The following ANKFN1 variants were observed in gnomAD, a reference collection of about 807,000 sequenced individuals.
ANKFN1 encodes the protein ankyrin repeat and fibronectin type-III domain-containing protein 1.
Under a neutral mutation model 108.7 loss-of-function variants are expected in ANKFN1, and 74 were observed. That is an observed-to-expected ratio of 0.68 (90% CI 0.56 to 0.83). The LOEUF (loss-of-function observed/expected upper bound fraction) is 0.83. Ranked by LOEUF, ANKFN1 falls within the 40% of genes least tolerant of loss-of-function variation. The probability of loss-of-function intolerance (pLI) is 0.00; values close to 1 mark genes in which losing one functional copy is unlikely to be tolerated. For synonymous variants in ANKFN1, 547 were observed against 516.2 expected, an observed-to-expected ratio of 1.06 and a Z score of -0.81; for missense variants, 1,505 against 1,382.3, an observed-to-expected ratio of 1.09 and a Z score of -1.41.
intron 4 of ANKFN1, among the ~76,000 whole-genome samples, chr17:56,085,170 C>A (rs1905293055): frequency 9.2e-6 from 1 of 108,628 alleles, no homozygotes; most frequent in Admixed American, 9.5e-5. Flanking sequence ...TTAAATGTTG[C>A]CCTCCAAAGC....
intron 20 of ANKFN1, among the ~76,000 whole-genome samples, chr17:56,505,136 A>G (rs1169209865): frequency 2.0e-5 from 3 of 152,190 alleles, no homozygotes; most frequent in Non-Finnish European, 4.4e-5. Context: ...TCTTTCTGCT[A>G]TATTTGGGCT....
At position 56,482,137 on chromosome 17, in the gene ANKFN1, A is replaced by G. The variant is rs553756204; in HGVS notation, c.2092-219A>G. ...ATCATTTTCTGCTTTTATAAGAAGCATAAATGTTGTTTTCAGAGTTTATGT... is the reference window on the plus strand; with the variant it reads ...ATCATTTTCTGCTTTTATAAGAAGCGTAAATGTTGTTTTCAGAGTTTATGT... On this transcript the variant is annotated intron_variant, in intron 17 of 20. Coordinates refer to ENST00000682825, the MANE Select transcript of ANKFN1 (RefSeq NM_001370326.1). Among the ~76,000 whole-genome samples, 27 of 152,344 alleles carry G rather than the reference A, an allele frequency of 1.8e-4. No homozygotes were observed. The South Asian group carries it at 5.6e-3, about 32-fold the overall frequency.
intron 18 of ANKFN1, among the ~76,000 whole-genome samples, chr17:56,486,375 C>T (rs1184768912): frequency 6.6e-6 from 1 of 152,188 alleles, no homozygotes; most frequent in African/African-American, 2.4e-5. Flanking sequence ...AATTAATACA[C>T]TCTCTAATAC....
At chr17:56,188,858 G>T (rs1912563585) in intron 1 of ANKFN1, among the ~76,000 whole-genome samples, 1 of 151,774 alleles carries the variant, frequency 6.6e-6, no homozygotes, top group African/African-American at 2.4e-5. Flanking sequence ...CTAGTCACCA[G>T]AAAGACCAAA....
chr17:56,234,880 G>C (rs1198691875), intron 3 of ANKFN1, among the ~76,000 whole-genome samples: 1 of 152,104 alleles, frequency 6.6e-6, no homozygotes, highest in Admixed American at 6.5e-5. Flanking sequence ...TATTGGGATT[G>C]CTGCGTTGAA....
At chr17:56,146,136 C>T (rs960021476) in intron 4 of ANKFN1, among the ~76,000 whole-genome samples, 2 of 152,198 alleles carry the variant, frequency 1.3e-5, no homozygotes, top group Admixed American at 6.5e-5. Context: ...AGAATGATCC[C>T]CTTTGACTCC....
rs1916291796 is a variant in ANKFN1, at chr17:56,226,598, C to A, written c.13-1319C>A. ...CTTTGACTGTCACAAATGGAGACAT[C>A]TTACCCAAGCAAAACCTCCATAGCT... On this transcript the variant is annotated intron_variant, in intron 2 of 20. Coordinates refer to ENST00000682825, the MANE Select transcript of ANKFN1 (RefSeq NM_001370326.1). Among the ~76,000 whole-genome samples the A allele has an allele frequency of 2.0e-5, 3 of 152,234 alleles. No homozygotes were observed. The South Asian group carries it at 6.2e-4, about 32-fold the overall frequency.
intron 8 of ANKFN1, among the ~76,000 whole-genome samples, chr17:56,388,248 G>A (rs1000251814): frequency 6.6e-6 from 1 of 151,852 alleles, no homozygotes; most frequent in Non-Finnish European, 1.5e-5. Flanking sequence ...CTGGGTTCAA[G>A]TGATTCTCAT....
intron 8 of ANKFN1, among the ~76,000 whole-genome samples, chr17:56,402,302 T>C (rs1472334490): frequency 1.3e-5 from 2 of 152,164 alleles, no homozygotes; most frequent in Non-Finnish European, 2.9e-5. Flanking sequence ...AGAATTCTGC[T>C]GAGAATCTGT....
chr17:56,108,225 G>C (rs748708240), intron 4 of ANKFN1, among the ~76,000 whole-genome samples: 1 of 152,032 alleles, frequency 6.6e-6, no homozygotes, highest in East Asian at 1.9e-4. Flanking sequence ...TAGTAGAGAC[G>C]GGGTTTCACC....
In ANKFN1 at chr17:56,345,662, CAT is replaced by C. The variant is rs1188181651; in HGVS notation, c.189-5101_189-5100del. Among the ~76,000 whole-genome samples, 4 of 152,074 alleles carry C rather than the reference CAT, an allele frequency of 2.6e-5. No homozygotes were observed. In the East Asian group the frequency reaches 5.8e-4, roughly 22 times the overall value. On this transcript the variant is annotated intron_variant, in intron 4 of 20. Transcript: ENST00000682825. ...TGACCAGTGATGATAATCTTTTTTT[CAT>C]ATGTTTGTTGGCCACATAAATGTCT...
At chr17:56,361,214 C>T (rs1336276913) in intron 6 of ANKFN1, among the ~76,000 whole-genome samples, 1 of 151,842 alleles carries the variant, frequency 6.6e-6, no homozygotes, top group African/African-American at 2.4e-5. Context: ...AATATCTTCT[C>T]CTTGTCAGAA....
intron 3 of ANKFN1, among the ~76,000 whole-genome samples, chr17:56,232,340 C>T (rs768494818): frequency 1.2e-4 from 18 of 152,060 alleles, no homozygotes; most frequent in Non-Finnish European, 1.9e-4. Flanking sequence ...AAAAGAAATT[C>T]TCGTTCTGGT....
chr17:56,312,695 T>G (rs1567905466), intron 3 of ANKFN1, among the ~76,000 whole-genome samples: 1 of 152,178 alleles, frequency 6.6e-6, no homozygotes, highest in Admixed American at 6.5e-5. Context: ...GTTCATCACA[T>G]ATTTGTAGGG....
intron 6 of ANKFN1, among the ~76,000 whole-genome samples, chr17:56,371,237 A>C (rs1461964448): frequency 6.6e-6 from 1 of 152,316 alleles, no homozygotes; most frequent in East Asian, 1.9e-4. Context: ...CACAGTCCTG[A>C]GTGTTCTAAA....
intron 18 of ANKFN1, among the ~76,000 whole-genome samples, chr17:56,487,443 C>T (rs540526250): frequency 6.6e-6 from 1 of 152,154 alleles, no homozygotes; most frequent in East Asian, 1.9e-4. Context: ...GTGCTCACAA[C>T]TGACAGCCGG....
At chr17:56,267,812 C>T (rs1300595293) in intron 3 of ANKFN1, among the ~76,000 whole-genome samples, 3 of 152,042 alleles carry the variant, frequency 2.0e-5, no homozygotes, top group South Asian at 2.1e-4. Context: ...TAGTATAATT[C>T]GAAGTCAGGT....
At chr17:56,182,815 A>T (rs1263396483) in intron 1 of ANKFN1, among the ~76,000 whole-genome samples, 3 of 152,184 alleles carry the variant, frequency 2.0e-5, no homozygotes, top group Non-Finnish European at 4.4e-5. Flanking sequence ...GGACAGGCCA[A>T]CTCTCTCGTT....
chr17:56,165,256 C>T (rs1245771966), intron 1 of ANKFN1, among the ~76,000 whole-genome samples: 4 of 152,142 alleles, frequency 2.6e-5, no homozygotes, highest in Non-Finnish European at 5.9e-5. Flanking sequence ...TCATGGCTTA[C>T]CAATTACTTT....
Sources: gnomAD v4.1 joint callset for allele counts (sites outside exome capture counted in the v4.1 genomes callset) on GRCh38, gnomAD v4.1.1 for gene constraint, MANE v1.5 for transcripts, NCBI Gene and HGNC (gene_info 2026-07-23, HGNC 2026-07-21) for gene names.